BCAS3: variants seen among roughly 807,000 people sequenced by gnomAD.
BCAS3 encodes BCAS3 microtubule associated cell migration factor.
BCAS3 carries 53 observed loss-of-function variants against 116.1 expected under a neutral mutation model. The observed-to-expected ratio is 0.46, with a 90% confidence interval of 0.37 to 0.57. The LOEUF (loss-of-function observed/expected upper bound fraction) is 0.57, where lower values mean the gene tolerates loss of function less well. BCAS3 is among the 20% of genes least tolerant of loss of function. The pLI is 0.00. For missense variants in BCAS3, 917 were observed against 1,165.4 expected, an observed-to-expected ratio of 0.79 and a Z score of 3.10; for synonymous variants, 391 against 408.2, an observed-to-expected ratio of 0.96 and a Z score of 0.51.
intron 22 of BCAS3, among the ~76,000 whole-genome samples, chr17:61,308,825 A>G (rs925324142): frequency 5.3e-5 from 8 of 152,182 alleles, no homozygotes; most frequent in Admixed American, 6.5e-5. Context: ...CAATGAAAGA[A>G]TCTCATAACA....
intron 22 of BCAS3, among the ~76,000 whole-genome samples, chr17:61,177,632 G>C (rs1025089990): frequency 6.6e-6 from 1 of 152,198 alleles, no homozygotes; most frequent in Admixed American, 6.5e-5. Flanking sequence ...CTTGATTGTG[G>C]TGATGATTTC....
At chr17:61,319,279 A>T (rs2054997397) in intron 22 of BCAS3, among the ~76,000 whole-genome samples, 1 of 152,228 alleles carries the variant, frequency 6.6e-6, no homozygotes. Context: ...TGAAATCCTC[A>T]GAGAGCTTTC....
intron 7 of BCAS3, among the ~76,000 whole-genome samples, chr17:60,857,421 C>T (rs866620362): frequency 6.6e-6 from 1 of 152,136 alleles, no homozygotes; most frequent in Non-Finnish European, 1.5e-5. Flanking sequence ...AAACACAATC[C>T]TTTAAAAATA....
rs180855046 is a variant in BCAS3, at chr17:60,874,040, C to A, written c.585-622C>A. Among the ~76,000 whole-genome samples, 321 of 151,806 alleles carry A rather than the reference C, an allele frequency of 2.1e-3. 2 individuals carry two copies. The highest frequency in any genetic ancestry group is 5.2e-3 in the South Asian group (25 of 4,802). ...ATCTTTACTGTAGACTTATTCGATT[C>A]AAAAATAAATGAAAACAAAACTTTA... On this transcript the variant is annotated intron_variant, in intron 8 of 23. Transcript: ENST00000407086.
At chr17:60,729,270 A>G (rs573672076) in intron 5 of BCAS3, among the ~76,000 whole-genome samples, 2 of 148,616 alleles carry the variant, frequency 1.3e-5, no homozygotes, top group African/African-American at 4.9e-5. Context: ...GCCTTTGCCT[A>G]TAATGAATAA....
chr17:60,713,028 T>G (rs150995004), intron 5 of BCAS3, among the ~76,000 whole-genome samples: 1 of 152,328 alleles, frequency 6.6e-6, no homozygotes, highest in East Asian at 1.9e-4. Flanking sequence ...ATTAATCTTC[T>G]CTGGTTGAAG....
intron 22 of BCAS3, among the ~76,000 whole-genome samples, chr17:61,115,010 A>G (rs2075335785): frequency 6.6e-6 from 1 of 151,520 alleles, no homozygotes; most frequent in Non-Finnish European, 1.5e-5. Context: ...TATTTAATAA[A>G]TGGTGCTGGG....
At chr17:61,060,122 T>A (rs529451436) in intron 19 of BCAS3, among the ~76,000 whole-genome samples, 3 of 151,902 alleles carry the variant, frequency 2.0e-5, no homozygotes, top group East Asian at 1.9e-4. Flanking sequence ...ATATTTTTTT[T>A]ATTATTTTTA....
intron 14 of BCAS3, among the ~76,000 whole-genome samples, chr17:60,986,590 G>A (rs2063157005): frequency 6.6e-6 from 1 of 152,134 alleles, no homozygotes; most frequent in African/African-American, 2.4e-5. Context: ...TTTCTGTAAT[G>A]ATTATTGATG....
chr17:61,116,792 C>G (rs939579566), intron 22 of BCAS3, among the ~76,000 whole-genome samples: 1 of 152,120 alleles, frequency 6.6e-6, no homozygotes, highest in Non-Finnish European at 1.5e-5. Flanking sequence ...TTCCTTTGTA[C>G]TCAGAAAAAA....
intron 5 of BCAS3, among the ~76,000 whole-genome samples, chr17:60,717,637 T>C (rs563845873): frequency 6.6e-6 from 1 of 152,294 alleles, no homozygotes; most frequent in Admixed American, 6.5e-5. Context: ...GTTTTCGCCC[T>C]TGTAAGGACA....
In BCAS3 at chr17:61,073,024, A is replaced by G. The variant is rs1414782831; in HGVS notation, c.2030-1896A>G. On this transcript the variant is annotated intron_variant, in intron 19 of 23. Transcript: ENST00000407086. This position sits in a 1 kb window ranked among gnomAD's most constrained non-coding sequence, Gnocchi z 4.6. Reference sequence around the variant, plus strand: ...CAAGGATCCTCTTGTTCTCTTCTGTATTAAGAATTAATATAGAATTTAGTG... The same window carrying G: ...CAAGGATCCTCTTGTTCTCTTCTGTGTTAAGAATTAATATAGAATTTAGTG... 1.3e-5 allele frequency among the ~76,000 whole-genome samples: 2 copies of G among 152,174 alleles called. No individual in the cohort carries two copies. The highest frequency in any genetic ancestry group is 2.9e-5 in the Non-Finnish European group (2 of 68,038).
intron 6 of BCAS3, among the ~76,000 whole-genome samples, chr17:60,789,939 T>C (rs28536036): frequency 0.28 from 41,814 of 151,818 alleles, 11,386 homozygotes; most frequent in African/African-American, 0.71. Context: ...TTTTCTAACC[T>C]TGAAATGAGA....
chr17:61,271,589 C>CTGTG (rs34693526), intron 22 of BCAS3, among the ~76,000 whole-genome samples: 11,323 of 118,212 alleles, frequency 0.096, 631 homozygotes, highest in East Asian at 0.21. Context: ...ACGCCCAGCT[C>CTGTG]TGTGTGTGTG....
chr17:60,742,160 C>CT (rs1370487590), intron 5 of BCAS3, among the ~76,000 whole-genome samples: 1 of 152,158 alleles, frequency 6.6e-6, no homozygotes, highest in African/African-American at 2.4e-5. Flanking sequence ...TTGGAATAAT[C>CT]TTTTCTACAG....
intron 13 of BCAS3, among the ~76,000 whole-genome samples, chr17:60,946,595 AT>A (rs1476482426): frequency 6.6e-6 from 1 of 152,090 alleles, no homozygotes; most frequent in Non-Finnish European, 1.5e-5. Context: ...GGGGTATGTC[AT>A]TTTCACATTC....
At position 61,271,424 on chromosome 17, in the gene BCAS3, A is replaced by ATTT. The variant is rs71148400; in HGVS notation, c.2426-96892_2426-96890dup. On this transcript the variant is annotated intron_variant, in intron 22 of 23. Coordinates refer to ENST00000407086, the MANE Select transcript of BCAS3 (RefSeq NM_017679.5). ...TACAGGTGTAAGCCACCATGCCCGGATTTTTTTTTTTTTGTCTTAGGTGGA... is the reference window on the plus strand; with the variant it reads ...TACAGGTGTAAGCCACCATGCCCGGATTTTTTTTTTTTTTTTGTCTTAGGTGGA... Among the ~76,000 whole-genome samples, 623 of 70,234 alleles carry ATTT rather than the reference A, an allele frequency of 8.9e-3. 62 individuals are homozygous for ATTT. Among genetic ancestry groups the ATTT allele is most frequent in the African/African-American group, 0.029 (511 of 17,750 alleles). 46.1% of individuals were successfully genotyped at this position (70,234 alleles called of 152,430 possible).
At chr17:61,386,132 C>T (rs1374202648) in intron 23 of BCAS3, among the ~76,000 whole-genome samples, 2 of 152,218 alleles carry the variant, frequency 1.3e-5, no homozygotes, top group Admixed American at 1.3e-4. Flanking sequence ...ATTCTTAGAA[C>T]CAGGCCATGA....
At chr17:60,710,992 A>G (rs1297568629) in intron 5 of BCAS3, among the ~76,000 whole-genome samples, 2 of 151,618 alleles carry the variant, frequency 1.3e-5, no homozygotes, top group African/African-American at 4.8e-5. Flanking sequence ...TAATGGAGAC[A>G]GGGTCCTACT....
Sources: allele counts gnomAD v4.1 joint callset (sites outside exome capture counted in the v4.1 genomes callset), GRCh38; gene constraint gnomAD v4.1.1; non-coding constraint Gnocchi (gnomAD v3.1); transcripts MANE v1.5; gene names NCBI Gene and HGNC (gene_info 2026-07-23, HGNC 2026-07-21).